OR3A2: variants seen among roughly 807,000 people sequenced by gnomAD.
The protein encoded by OR3A2 is olfactory receptor 3A2.
For synonymous variants in OR3A2, 126 were observed against 159.3 expected, an observed-to-expected ratio of 0.79 and a Z score of 1.57; for missense variants, 318 against 392.8, an observed-to-expected ratio of 0.81 and a Z score of 1.61.
intron 3 of OR3A2, among the ~76,000 whole-genome samples, chr17:3,320,777 T>C (rs1480502998): frequency 6.6e-6 from 1 of 152,140 alleles, no homozygotes; most frequent in Admixed American, 6.6e-5. Flanking sequence ...TTTTGGTTAC[T>C]GTAGCCTTGC....
intron 3 of OR3A2, among the ~76,000 whole-genome samples, chr17:3,326,190 T>G (rs533501925): frequency 1.3e-5 from 2 of 152,248 alleles, no homozygotes; most frequent in East Asian, 3.9e-4. Context: ...CAGTCTATCA[T>G]TGATGGGCAT....
rs190665834 is a variant in OR3A2 at position 3,310,174 on chromosome 17, T to C, written c.-85+25859A>G. The C allele has an allele frequency of 3.6e-4, 135 of 374,820 alleles. No homozygotes were observed. In the East Asian group the frequency reaches 7.7e-3, roughly 21 times the overall value. The allele number at this position is 374,820 out of a possible 1,614,324, so 23.2% of individuals were successfully genotyped here. A position where few individuals can be genotyped will look rare whatever the true frequency, so the allele number is the denominator to read the frequency against. ...TCAACTTCCTTCCCCTTACATTTCA[T>C]GCGTTCTTCCATCCCGGCCCTGTCC... On this transcript the variant is annotated intron_variant, in intron 3 of 4. Transcript: ENST00000573491.
intron 2 of OR3A2, among the ~76,000 whole-genome samples, chr17:3,369,821 T>TTTTTTTTA (rs2049597437): frequency 6.6e-6 from 1 of 151,184 alleles, no homozygotes; most frequent in African/African-American, 2.4e-5. Context: ...TTTTTTTTTT[T>TTTTTTTTA]GAGGCAAGCT....
chr17:3,309,922 T>G (rs2049027721), intron 3 of OR3A2: 1 of 191,972 alleles, frequency 5.2e-6, no homozygotes. Context: ...CCTTTCATCC[T>G]CTGGGATCTT....
At chr17:3,328,792 C>G (rs2049200853) in intron 3 of OR3A2, among the ~76,000 whole-genome samples, 1 of 141,646 alleles carries the variant, frequency 7.1e-6, no homozygotes, top group Non-Finnish European at 1.5e-5. Context: ...TGTCAAAGGC[C>G]TTTTCTGCAT....
At chr17:3,331,697 A>T (rs554764610) in intron 3 of OR3A2, among the ~76,000 whole-genome samples, 22 of 151,794 alleles carry the variant, frequency 1.4e-4, no homozygotes, top group African/African-American at 5.3e-4. Context: ...GATAGTCTGA[A>T]GCCTTCTTCT....
At chr17:3,335,400 A>G (rs1219234685) in intron 3 of OR3A2, among the ~76,000 whole-genome samples, 1 of 152,152 alleles carries the variant, frequency 6.6e-6, no homozygotes, top group East Asian at 1.9e-4. Flanking sequence ...TTTTATAAAT[A>G]TATGTATCCA....
At chr17:3,363,495 A>C (rs2150660533) in intron 2 of OR3A2, among the ~76,000 whole-genome samples, 1 of 151,886 alleles carries the variant, frequency 6.6e-6, no homozygotes, top group East Asian at 1.9e-4. Flanking sequence ...TTCACTGTCC[A>C]TATCACTGTC....
chr17:3,381,316 G>A (rs2150669462), intron 2 of OR3A2, among the ~76,000 whole-genome samples: 1 of 143,264 alleles, frequency 7.0e-6, no homozygotes, highest in Admixed American at 6.9e-5. Flanking sequence ...CTCAAACATA[G>A]GGTTTTTTTT....
At chr17:3,342,864 T>A (rs952124936) in intron 2 of OR3A2, among the ~76,000 whole-genome samples, 2 of 152,218 alleles carry the variant, frequency 1.3e-5, no homozygotes, top group African/African-American at 4.8e-5. Context: ...CTGCCTTTTG[T>A]TCAGCTATGC....
At chr17:3,308,443 A>G (rs2049014649) in intron 3 of OR3A2, among the ~76,000 whole-genome samples, 1 of 152,104 alleles carries the variant, frequency 6.6e-6, no homozygotes, top group Admixed American at 6.5e-5. Context: ...GTCTCCATAC[A>G]AATGAAGTTC....
intron 3 of OR3A2, among the ~76,000 whole-genome samples, chr17:3,333,665 A>C (rs1024045676): frequency 2.0e-5 from 3 of 152,210 alleles, no homozygotes; most frequent in South Asian, 2.1e-4. Context: ...AAGAACCTGC[A>C]TTGAAATATT....
chr17:3,301,830 C>T (rs1016586199), intron 3 of OR3A2, among the ~76,000 whole-genome samples: 2 of 152,216 alleles, frequency 1.3e-5, no homozygotes, highest in East Asian at 1.9e-4. Flanking sequence ...TTAGGTCTAA[C>T]ATTTAAGTCT....
chr17:3,340,838 T>C (rs1246259778), intron 2 of OR3A2, among the ~76,000 whole-genome samples: 1 of 152,196 alleles, frequency 6.6e-6, no homozygotes, highest in Admixed American at 6.5e-5. Context: ...TTCTGTCTTG[T>C]TGATCTGTCT....
At position 3,373,148 on chromosome 17, in the gene OR3A2, G is replaced by T. The variant is rs539784119; in HGVS notation, c.-179+10656C>A. On this transcript the variant is annotated intron_variant, in intron 2 of 4. Transcript: ENST00000573491. ...TAATTTCCAATTTTATTCCACTGTG[G>T]TCTAAGAGAGTACTTGATATAGTTT... Among the ~76,000 whole-genome samples the T allele has an allele frequency of 6.4e-4, 97 of 152,194 alleles. 1 individual carries two copies. Among genetic ancestry groups the T allele is most frequent in the African/African-American group, 2.3e-3 (97 of 41,510 alleles).
At chr17:3,357,017 G>T (rs2049470149) in intron 2 of OR3A2, among the ~76,000 whole-genome samples, 1 of 151,652 alleles carries the variant, frequency 6.6e-6, no homozygotes, top group Non-Finnish European at 1.5e-5. Flanking sequence ...ATACCAAAGT[G>T]AAAATTAATC....
At chr17:3,283,118 T>C (rs2048787418) in intron 1 of OR3A2, among the ~76,000 whole-genome samples, 1 of 152,226 alleles carries the variant, frequency 6.6e-6, no homozygotes, top group Non-Finnish European at 1.5e-5. Context: ...GTGAGTCACT[T>C]CTTTATAGAG....
upstream of OR3A2, among the ~76,000 whole-genome samples, chr17:3,288,597 A>C (rs1401834677): frequency 2.0e-5 from 3 of 152,210 alleles, no homozygotes; most frequent in East Asian, 5.8e-4. Context: ...AGAAATTCAA[A>C]TTAAAAATAA....
At chr17:3,378,767 C>T (rs1217774183) in intron 2 of OR3A2, among the ~76,000 whole-genome samples, 2 of 152,164 alleles carry the variant, frequency 1.3e-5, no homozygotes, top group Admixed American at 6.5e-5. Context: ...TGTTTAAATA[C>T]CACTTCCCCC....
Sources: gnomAD v4.1 joint callset for allele counts (sites outside exome capture counted in the v4.1 genomes callset) on GRCh38, gnomAD v4.1.1 for gene constraint, MANE v1.5 for transcripts, NCBI Gene and HGNC (gene_info 2026-07-23, HGNC 2026-07-21) for gene names.